The following ARID4B variants were observed in gnomAD, a reference collection of about 807,000 sequenced individuals.
The protein encoded by ARID4B is AT-rich interactive domain-containing protein 4B.
A neutral mutation model predicts 147.5 loss-of-function variants in ARID4B; 26 were observed. That is an observed-to-expected ratio of 0.18 (90% CI 0.13 to 0.24). ARID4B has a LOEUF of 0.24. Ranked by LOEUF, ARID4B falls within the 10% of genes least tolerant of loss-of-function variation. ARID4B has a pLI of 1.00. For missense variants in ARID4B, 1,179 were observed against 1,511.5 expected (o/e 0.78, Z 3.65); for synonymous variants, 512 against 507.9 (o/e 1.01, Z -0.11).
intron 9 of ARID4B, among the ~76,000 whole-genome samples, chr1:235,233,002 T>TA (rs1200537345): frequency 6.6e-6 from 1 of 152,130 alleles, no homozygotes; most frequent in Admixed American, 6.5e-5. Context: ...CATGCCTGGC[T>TA]AATTTTTGTA....
chr1:235,310,941 G>A (rs1178009411), intron 2 of ARID4B, among the ~76,000 whole-genome samples: 2 of 152,150 alleles, frequency 1.3e-5, no homozygotes, highest in Non-Finnish European at 2.9e-5. Context: ...AAACTGCTGG[G>A]ATTACAGGTA....
intron 2 of ARID4B, among the ~76,000 whole-genome samples, chr1:235,274,049 G>T (rs1219763129): frequency 6.6e-6 from 1 of 152,078 alleles, no homozygotes; most frequent in East Asian, 1.9e-4. Flanking sequence ...TACTAGTTTG[G>T]TGCAAAACTA....
intron 21 of ARID4B, chr1:235,175,681 G>T: frequency 3.0e-6 from 1 of 333,860 alleles, no homozygotes; most frequent in Non-Finnish European, 5.5e-6. Flanking sequence ...TCATCTGAAT[G>T]GCTTTTTACT....
At chr1:235,304,716 A>T (rs1673423062) in intron 2 of ARID4B, among the ~76,000 whole-genome samples, 2 of 152,166 alleles carry the variant, frequency 1.3e-5, no homozygotes, top group African/African-American at 4.8e-5. Flanking sequence ...AGTTTATCAA[A>T]CCCAGTGGTT....
chr1:235,320,327 T>C (rs1674738185), intron 2 of ARID4B, among the ~76,000 whole-genome samples: 1 of 152,018 alleles, frequency 6.6e-6, no homozygotes, highest in Non-Finnish European at 1.5e-5. Context: ...GGGAGGGCAC[T>C]TGTGGGAGGA....
Position 235,173,806 on chromosome 1 carries a change from ATATATATG to A in ARID4B, c.3665-1050_3665-1043del, listed in dbSNP as rs1381681715. On this transcript the variant is annotated intron_variant, in intron 22 of 23. Coordinates refer to ENST00000264183, the MANE Select transcript of ARID4B (RefSeq NM_016374.6). ...TATATATATATATATATATATATAT[ATATATATG>A]TATACCTAAAACATATATATATATA... Among the ~76,000 whole-genome samples the A allele has an allele frequency of 4.0e-3, 324 of 80,526 alleles. 4 individuals are homozygous for A. Among genetic ancestry groups the A allele is most frequent in the Middle Eastern group, 6.0e-3 (1 of 168 alleles). 52.8% of individuals were successfully genotyped at this position (80,526 alleles called of 152,430 possible).
At chr1:235,259,923 T>C (rs1412501278) in intron 3 of ARID4B, among the ~76,000 whole-genome samples, 3 of 152,184 alleles carry the variant, frequency 2.0e-5, no homozygotes, top group Non-Finnish European at 2.9e-5. Flanking sequence ...ATCAGGTCAA[T>C]CTCATCCTAA....
rs1398498237 is a variant in ARID4B, at chr1:235,234,459, C to T, written c.619G>A (p.Val207Ile). Residue 207 changes from valine to isoleucine, a missense_variant, in exon 9 of 24, where the codon GTA becomes ATA. Physicochemically the swap from Val to Ile is conservative, Grantham distance 29 (BLOSUM62 3). Coordinates refer to ENST00000264183, the MANE Select transcript of ARID4B (RefSeq NM_016374.6). ...CGAACAAGAATATTGTCCTTTTTTACAGCAATCTCATCACTACAATCAGGA... is the reference window on the plus strand; with the variant it reads ...CGAACAAGAATATTGTCCTTTTTTATAGCAATCTCATCACTACAATCAGGA... Reference protein sequence around the residue: ...VCPDCSDEIAVKKDNILVRSF... With the variant: ...VCPDCSDEIAIKKDNILVRSF... The T allele has an allele frequency of 6.2e-7, 1 of 1,607,000 alleles. No individual in the cohort carries two copies. Among genetic ancestry groups the T allele is most frequent in the Non-Finnish European group, 8.5e-7 (1 of 1,175,206 alleles).
chr1:235,222,092 T>G (rs545193799), intron 13 of ARID4B, among the ~76,000 whole-genome samples: 15 of 152,002 alleles, frequency 9.9e-5, no homozygotes, highest in Admixed American at 9.2e-4. Flanking sequence ...AAATTTTTTT[T>G]GTGGAGATGG....
chr1:235,285,176 G>C (rs965229217), intron 2 of ARID4B, among the ~76,000 whole-genome samples: 1 of 152,150 alleles, frequency 6.6e-6, no homozygotes, highest in African/African-American at 2.4e-5. Context: ...AAAGTGCTGG[G>C]ATTAGAGGTG....
At chr1:235,173,236 C>T (rs1249344039) in intron 22 of ARID4B, among the ~76,000 whole-genome samples, 2 of 151,968 alleles carry the variant, frequency 1.3e-5, no homozygotes, top group Admixed American at 6.6e-5. Context: ...CCCAGCTACT[C>T]GGGAGGCTGG....
At chr1:235,295,999 AC>A in intron 2 of ARID4B, 1 of 155,238 alleles carries the variant, frequency 6.4e-6, no homozygotes, top group Non-Finnish European at 1.4e-5. Flanking sequence ...TCTTCACGTC[AC>A]CCACCTAAGG....
chr1:235,248,973 G>T (rs1183697130), intron 6 of ARID4B, among the ~76,000 whole-genome samples: 1 of 152,166 alleles, frequency 6.6e-6, no homozygotes, highest in Non-Finnish European at 1.5e-5. Context: ...CAGAAAATAT[G>T]GAACTGGGAT....
chr1:235,233,808 G>A (rs183717128), intron 9 of ARID4B, among the ~76,000 whole-genome samples: 4 of 152,326 alleles, frequency 2.6e-5, no homozygotes, highest in South Asian at 2.1e-4. Context: ...TAGGCCGGGC[G>A]CGATGGCTCA....
chr1:235,230,918 CAA>C (rs758639309), intron 10 of ARID4B, among the ~76,000 whole-genome samples, 193 bp downstream of exon 10: 13 of 115,232 alleles, frequency 1.1e-4, no homozygotes, highest in Non-Finnish European at 9.6e-5. Context: ...ACTCTGTCTC[CAA>C]AAAAAAAAAA....
chr1:235,299,050 TCCAAGCCAG>T (rs761642052), intron 2 of ARID4B, among the ~76,000 whole-genome samples: 40 of 152,018 alleles, frequency 2.6e-4, no homozygotes, highest in Admixed American at 7.2e-4. Context: ...ACCCAGGAGT[TCCAAGCCAG>T]CCTAGACAAC....
At chr1:235,318,014 T>C (rs886595660) in intron 2 of ARID4B, among the ~76,000 whole-genome samples, 1 of 151,950 alleles carries the variant, frequency 6.6e-6, no homozygotes, top group African/African-American at 2.4e-5. Flanking sequence ...GAAACTTACA[T>C]ACAAATGCTC....
intron 2 of ARID4B, among the ~76,000 whole-genome samples, chr1:235,277,524 G>A (rs1204402003): frequency 3.4e-4 from 48 of 139,510 alleles, no homozygotes; most frequent in Non-Finnish European, 1.8e-4. Flanking sequence ...GGGCGACAGC[G>A]AGACTCCGTC....
chr1:235,187,152 G>C (rs1558181498), intron 19 of ARID4B: 2 of 310,482 alleles, frequency 6.4e-6, no homozygotes, highest in Non-Finnish European at 1.2e-5. Flanking sequence ...CGTGATCTCA[G>C]CTCACCGCAA....
Sources: gnomAD v4.1 joint callset for allele counts (sites outside exome capture counted in the v4.1 genomes callset) on GRCh38, gnomAD v4.1.1 for gene constraint, MANE v1.5 for transcripts, NCBI Gene and HGNC (gene_info 2026-07-23, HGNC 2026-07-21) for gene names.